Variants in CACNA1A observed in about 807,000 individuals in gnomAD.
The protein encoded by CACNA1A is calcium voltage-gated channel subunit alpha1 A.
Under a neutral mutation model 262.4 loss-of-function variants are expected in CACNA1A, and 57 were observed. That is an observed-to-expected ratio of 0.22 (90% CI 0.18 to 0.27). The LOEUF is 0.27. Ranked by LOEUF, CACNA1A falls within the 10% of genes least tolerant of loss-of-function variation. CACNA1A has a pLI of 1.00. For missense variants in CACNA1A, 2,526 were observed against 3,562.8 expected (o/e 0.71, Z 7.41); for synonymous variants, 1,431 against 1,419.3 (o/e 1.01, Z -0.18).
Position 13,486,683 on chromosome 19 carries a change from CTTCT to C in CACNA1A, c.293+19245_293+19248del. Reference sequence around the variant, plus strand: ...AGATACAAGAAGCAATATTCTCTCTCTTCTTTCTGTCTCTCTTTCTCTACCTCCA... The same window carrying C: ...AGATACAAGAAGCAATATTCTCTCTCTTCTGTCTCTCTTTCTCTACCTCCA... On this transcript the variant is annotated intron_variant, in intron 1 of 46. Transcript: ENST00000360228. Among the ~76,000 whole-genome samples, 7 of 82,732 alleles carry C rather than the reference CTTCT, an allele frequency of 8.5e-5. 1 individual carries two copies. Among genetic ancestry groups the C allele is most frequent in the Admixed American group, 7.1e-4 (7 of 9,842 alleles). 54.3% of individuals were successfully genotyped at this position (82,732 alleles called of 152,430 possible).
intron 19 of CACNA1A, among the ~76,000 whole-genome samples, chr19:13,287,584 C>A (rs1415846080): frequency 1.3e-5 from 2 of 152,054 alleles, no homozygotes; most frequent in Non-Finnish European, 2.9e-5. Flanking sequence ...TCACTGCAAC[C>A]TCTGGCTCCC....
chr19:13,496,366 C>T (rs549286674), intron 1 of CACNA1A, among the ~76,000 whole-genome samples: 5 of 152,186 alleles, frequency 3.3e-5, no homozygotes, highest in South Asian at 2.1e-4. Flanking sequence ...TCTTCAAAGA[C>T]GGTGCCCTTA....
chr19:13,402,860 A>G (rs1159282929), intron 3 of CACNA1A, among the ~76,000 whole-genome samples: 5 of 60,516 alleles, frequency 8.3e-5, no homozygotes, highest in African/African-American at 4.5e-4. Context: ...ATATATATAC[A>G]CACACACACA....
chr19:13,366,560 G>A (rs979846763), intron 4 of CACNA1A, among the ~76,000 whole-genome samples: 2 of 152,116 alleles, frequency 1.3e-5, no homozygotes, highest in Non-Finnish European at 2.9e-5. Flanking sequence ...GCCTCCCAAA[G>A]TTCTGGGATT....
In CACNA1A at chr19:13,478,661, T is replaced by C. The variant is rs937613884; in HGVS notation, c.294-23449A>G. ...CACCAAGTGAAGAATTGGGCAAAGGTATAAGTATTTCACAGCAGCTTTGTT... is the reference window on the plus strand; with the variant it reads ...CACCAAGTGAAGAATTGGGCAAAGGCATAAGTATTTCACAGCAGCTTTGTT... On this transcript the variant is annotated intron_variant, in intron 1 of 46. Coordinates refer to ENST00000360228, the MANE Select transcript of CACNA1A (RefSeq NM_001127222.2). Among the ~76,000 whole-genome samples the C allele has an allele frequency of 1.1e-4, 16 of 152,092 alleles. 1 individual carries two copies. Among genetic ancestry groups the C allele is most frequent in the Non-Finnish European group, 1.6e-4 (11 of 68,018 alleles).
chr19:13,292,345 G>A (rs556409730), intron 19 of CACNA1A, among the ~76,000 whole-genome samples: 1 of 152,310 alleles, frequency 6.6e-6, no homozygotes, highest in South Asian at 2.1e-4. Context: ...TGGCAAGGTA[G>A]CTCGCTCCTG....
chr19:13,495,460 C>A (rs1981391065), intron 1 of CACNA1A, among the ~76,000 whole-genome samples: 1 of 152,080 alleles, frequency 6.6e-6, no homozygotes, highest in Non-Finnish European at 1.5e-5. Flanking sequence ...CCACGCCTGG[C>A]TAATTTTTTG....
At chr19:13,289,864 T>TA (rs1426563758) in intron 19 of CACNA1A, among the ~76,000 whole-genome samples, 1 of 151,360 alleles carries the variant, frequency 6.6e-6, no homozygotes, top group Non-Finnish European at 1.5e-5. Context: ...TCTGGAAACA[T>TA]ACAAAGATCA....
At chr19:13,423,763 C>T (rs1254590269) in intron 3 of CACNA1A, among the ~76,000 whole-genome samples, 1 of 152,072 alleles carries the variant, frequency 6.6e-6, no homozygotes, top group South Asian at 2.1e-4. Context: ...GATCCACCTG[C>T]CTCAGCCTCC....
intron 1 of CACNA1A, among the ~76,000 whole-genome samples, chr19:13,493,008 G>A (rs1186954725): frequency 2.0e-5 from 3 of 152,166 alleles, no homozygotes; most frequent in Non-Finnish European, 4.4e-5. Flanking sequence ...AGTAAGGCAC[G>A]ATTTTCAAAC....
At chr19:13,281,379 T>TAAAAA (rs753890670) in intron 22 of CACNA1A, among the ~76,000 whole-genome samples, 2 of 102,826 alleles carry the variant, frequency 1.9e-5, no homozygotes, top group Non-Finnish European at 3.9e-5. Flanking sequence ...CATTGTCTCT[T>TAAAAA]AAAAAAAAAA....
chr19:13,301,832 C>T (rs1162926106), intron 17 of CACNA1A, among the ~76,000 whole-genome samples: 1 of 152,164 alleles, frequency 6.6e-6, no homozygotes, highest in African/African-American at 2.4e-5. Flanking sequence ...AGGACACTGT[C>T]AGAGACAACA....
intron 10 of CACNA1A, among the ~76,000 whole-genome samples, chr19:13,318,127 A>ATTTT (rs35082039): frequency 6.6e-5 from 10 of 151,080 alleles, no homozygotes; most frequent in African/African-American, 2.2e-4. Context: ...TTAAATAACA[A>ATTTT]TTTTTTTTTT....
intron 19 of CACNA1A, among the ~76,000 whole-genome samples, chr19:13,289,472 G>A (rs2057484530): frequency 6.6e-6 from 1 of 152,130 alleles, no homozygotes; most frequent in South Asian, 2.1e-4. Context: ...CACTAGCTGT[G>A]CAACCCTGTG....
At chr19:13,263,588 T>G (rs993436916) in intron 24 of CACNA1A, 1 of 152,370 alleles carries the variant, frequency 6.6e-6, no homozygotes, top group African/African-American at 2.4e-5. Flanking sequence ...GGTATGATCT[T>G]GGCTCACTGC....
intron 22 of CACNA1A, 30 bp from the exon 23 acceptor site, chr19:13,277,158 G>A (rs1475250182): frequency 6.5e-7 from 1 of 1,538,756 alleles, no homozygotes; most frequent in Non-Finnish European, 9.0e-7. Flanking sequence ...GAGAGCAGTG[G>A]ATCACTGGCC....
At chr19:13,242,599 T>C (rs1054169568) in intron 31 of CACNA1A, among the ~76,000 whole-genome samples, 25 of 152,314 alleles carry the variant, frequency 1.6e-4, no homozygotes, top group Admixed American at 1.0e-3. Context: ...CCCGGCCTGT[T>C]GATGCTTTTA....
intron 43 of CACNA1A, 52 bp from the exon 44 acceptor site, chr19:13,210,704 T>G: frequency 3.9e-6 from 6 of 1,537,844 alleles, no homozygotes; most frequent in Non-Finnish European, 5.3e-6. Flanking sequence ...AAGAAGAAAA[T>G]AAATATAAAA....
At chr19:13,380,745 GTTTGTTTATTTATTTA>G (rs200362030) in intron 3 of CACNA1A, among the ~76,000 whole-genome samples, 17,913 of 142,888 alleles carry the variant, frequency 0.13, 2,257 homozygotes, top group African/African-American at 0.33. Flanking sequence ...TTGTTTGTTT[GTTTGTTTATTTATTTA>G]TTTATTTATT....
Sources: allele counts gnomAD v4.1 joint callset (sites outside exome capture counted in the v4.1 genomes callset), GRCh38; gene constraint gnomAD v4.1.1; transcripts MANE v1.5; gene names NCBI Gene and HGNC (gene_info 2026-07-23, HGNC 2026-07-21).